SLC14A2: variants seen among roughly 807,000 people sequenced by gnomAD.
SLC14A2 encodes solute carrier family 14 member 2.
Under a neutral mutation model 104.6 loss-of-function variants are expected in SLC14A2, and 91 were observed. That is an observed-to-expected ratio of 0.87 (90% CI 0.73 to 1.04). The LOEUF is 1.04. Ranked by LOEUF, SLC14A2 falls within the 50% of genes least tolerant of loss-of-function variation. The pLI is 0.00. For synonymous variants in SLC14A2, 476 were observed against 466.4 expected (o/e 1.02, Z -0.27); for missense variants, 1,189 against 1,156.0 (o/e 1.03, Z -0.41).
At chr18:45,304,263 C>G (rs529129820) in intron 1 of SLC14A2, among the ~76,000 whole-genome samples, 2 of 152,214 alleles carry the variant, frequency 1.3e-5, no homozygotes, top group South Asian at 4.1e-4. Context: ...TATTAAGAAT[C>G]AATGTAGAAA....
chr18:45,643,834 C>G (rs1200816942), intron 9 of SLC14A2, 152 bp from the exon 10 acceptor site: 4 of 695,534 alleles, frequency 5.8e-6, no homozygotes, highest in South Asian at 1.9e-5. Context: ...CTTTGACCAA[C>G]TACTGTGACA....
intron 11 of SLC14A2, among the ~76,000 whole-genome samples, 155 bp downstream of exon 11, chr18:45,664,062 C>T (rs1211978423): frequency 6.6e-6 from 1 of 152,098 alleles, no homozygotes; most frequent in Non-Finnish European, 1.5e-5. Context: ...GCCACAGTTC[C>T]CCGAATGCGT....
chr18:45,485,540 G>T (rs755626477), intron 2 of SLC14A2, among the ~76,000 whole-genome samples: 1 of 152,140 alleles, frequency 6.6e-6, no homozygotes, highest in Non-Finnish European at 1.5e-5. Context: ...TCCAAGGAAT[G>T]TGAGTGGGGC....
At chr18:45,655,010 G>A (rs1233254398) in intron 10 of SLC14A2, among the ~76,000 whole-genome samples, 2 of 152,192 alleles carry the variant, frequency 1.3e-5, no homozygotes, top group Admixed American at 6.5e-5. Flanking sequence ...TTCCACGGAA[G>A]ATGCTTCTGC....
At chr18:45,457,772 C>T (rs920255495) in intron 1 of SLC14A2, among the ~76,000 whole-genome samples, 1 of 151,914 alleles carries the variant, frequency 6.6e-6, no homozygotes, top group African/African-American at 2.4e-5. Context: ...CTGACTTTAC[C>T]ACTTACTACC....
chr18:45,262,266 C>T (rs1023272066), intron 1 of SLC14A2, among the ~76,000 whole-genome samples: 2 of 152,196 alleles, frequency 1.3e-5, no homozygotes, highest in African/African-American at 4.8e-5. Flanking sequence ...ATTCTACCCT[C>T]ATTTTATAGA....
Position 45,639,448 on chromosome 18 carries a change from G to C in SLC14A2, c.844-298G>C, listed in dbSNP as rs186076498. On this transcript the variant is annotated intron_variant, in intron 6 of 19. Transcript: ENST00000255226. The stretch of plus-strand genomic sequence containing the variant: ...GAAACTCCCAGCGGCATTCTAGGGA[G>C]GAGGTGCATTCTGGTCCCCTCAAAG... Among the ~76,000 whole-genome samples the C allele has an allele frequency of 1.7e-4, 26 of 152,312 alleles. No individual in the cohort carries two copies. The East Asian group carries it at 4.8e-3, about 28-fold the overall frequency.
At chr18:45,573,337 G>GA (rs2044375985) in intron 2 of SLC14A2, among the ~76,000 whole-genome samples, 1 of 152,290 alleles carries the variant, frequency 6.6e-6, no homozygotes, top group Admixed American at 6.5e-5. Context: ...AAGAGAGATA[G>GA]AAACAGGGAT....
chr18:45,418,379 G>A (rs184881728), intron 1 of SLC14A2, among the ~76,000 whole-genome samples: 13 of 152,306 alleles, frequency 8.5e-5, no homozygotes, highest in Middle Eastern at 3.4e-3. Context: ...ATAAGAGGGC[G>A]TCTGTTGCAT....
At chr18:45,246,261 A>G (rs1330089900) in intron 1 of SLC14A2, among the ~76,000 whole-genome samples, 8 of 152,118 alleles carry the variant, frequency 5.3e-5, no homozygotes, top group African/African-American at 1.9e-4. Flanking sequence ...TCGGGACAAA[A>G]CCTACAAACA....
upstream of SLC14A2, chr18:45,615,038 C>A (rs1485182403): frequency 6.6e-6 from 1 of 152,228 alleles, no homozygotes; most frequent in Non-Finnish European, 1.5e-5. Flanking sequence ...GTCAAGTGAT[C>A]CACCCGACTC....
chr18:45,229,402 T>TTTTGTTTGTTTGTTTGTTTG (rs146538293), intron 1 of SLC14A2, among the ~76,000 whole-genome samples: 3 of 151,682 alleles, frequency 2.0e-5, no homozygotes, highest in Middle Eastern at 3.4e-3. Context: ...CCCGTAGGTT[T>TTTTGTTTGTTTGTTTGTTTG]TTTGTTTGTT....
chr18:45,668,522 C>G, intron 15 of SLC14A2, 45 bp downstream of exon 15: 1 of 1,607,524 alleles, frequency 6.2e-7, no homozygotes, highest in Non-Finnish European at 8.5e-7. Context: ...CAATGGCCAC[C>G]AACCTTTTCA....
In SLC14A2 at chr18:45,411,130, A is replaced by G. The variant is rs188548461; in HGVS notation, c.-124-72103A>G. On this transcript the variant is annotated intron_variant, in intron 1 of 20. Coordinates refer to the SLC14A2 transcript ENST00000586448. Reference sequence around the variant, plus strand: ...CCTTACGAGCAATAGTTCAGAATTCACTAATTCAGTGTTTGCAGCAACTTT... The same window carrying G: ...CCTTACGAGCAATAGTTCAGAATTCGCTAATTCAGTGTTTGCAGCAACTTT... Among the ~76,000 whole-genome samples the G allele has an allele frequency of 1.3e-3, 193 of 152,358 alleles. 2 individuals carry two copies. The highest frequency in any genetic ancestry group is 5.2e-4 in the Admixed American group (8 of 15,292).
chr18:45,577,540 C>T (rs1172090330), intron 2 of SLC14A2, among the ~76,000 whole-genome samples: 1 of 152,132 alleles, frequency 6.6e-6, no homozygotes, highest in East Asian at 1.9e-4. Context: ...TTAATGGGCC[C>T]CTTTCCCCAT....
At chr18:45,615,821 G>A (rs1468905313) in intron 1 of SLC14A2, among the ~76,000 whole-genome samples, 1 of 146,302 alleles carries the variant, frequency 6.8e-6, no homozygotes. Flanking sequence ...GGGTGTATGT[G>A]TGTGTGTGTG....
chr18:45,210,111 G>C (rs1039647875), upstream of SLC14A2, among the ~76,000 whole-genome samples: 1 of 152,174 alleles, frequency 6.6e-6, no homozygotes, highest in African/African-American at 2.4e-5. Context: ...GCCCAGGGAA[G>C]GATGCTAGGC....
intron 2 of SLC14A2, among the ~76,000 whole-genome samples, chr18:45,520,442 C>T (rs2043502144): frequency 1.3e-5 from 2 of 152,302 alleles, no homozygotes; most frequent in East Asian, 3.9e-4. Flanking sequence ...CCCCCTGTCC[C>T]TGACCCAGTG....
intron 1 of SLC14A2, among the ~76,000 whole-genome samples, chr18:45,233,513 G>T (rs2084195345): frequency 6.6e-6 from 1 of 152,102 alleles, no homozygotes; most frequent in East Asian, 1.9e-4. Flanking sequence ...CTATTTCATG[G>T]TCTTGCCCGG....
Sources: gnomAD v4.1 joint callset for allele counts (sites outside exome capture counted in the v4.1 genomes callset) on GRCh38, gnomAD v4.1.1 for gene constraint, MANE v1.5 for transcripts, NCBI Gene and HGNC (gene_info 2026-07-23, HGNC 2026-07-21) for gene names.